The following EGFLAM variants were observed in gnomAD, a reference collection of about 807,000 sequenced individuals.
EGFLAM encodes pikachurin.
EGFLAM carries 79 observed loss-of-function variants against 113.1 expected under a neutral mutation model. The observed-to-expected ratio is 0.70, with a 90% CI of 0.58 to 0.84. The LOEUF (loss-of-function observed/expected upper bound fraction) is 0.84, where lower values mean the gene tolerates loss of function less well. Ranked by LOEUF, EGFLAM falls within the 40% of genes least tolerant of loss-of-function variation. The pLI, the probability that EGFLAM is intolerant of heterozygous loss-of-function variation, is 0.00. For missense variants in EGFLAM, 1,265 were observed against 1,291.6 expected, an observed-to-expected ratio of 0.98 and a Z score of 0.32; for synonymous variants, 504 against 487.6, an observed-to-expected ratio of 1.03 and a Z score of -0.44.
At chr5:38,445,430 A>G (rs1395977151) in intron 17 of EGFLAM, 1 of 1,334,266 alleles carries the variant, frequency 7.5e-7, no homozygotes, top group East Asian at 2.8e-5. Flanking sequence ...CGCCACGCCC[A>G]CCTTCAATAA....
chr5:38,267,825 A>T (rs1392392855), intron 1 of EGFLAM, among the ~76,000 whole-genome samples: 1 of 152,222 alleles, frequency 6.6e-6, no homozygotes, highest in Non-Finnish European at 1.5e-5. Flanking sequence ...CAGCAAATAT[A>T]CTTAGAATGA....
At chr5:38,361,294 C>T (rs751831375) in intron 5 of EGFLAM, among the ~76,000 whole-genome samples, 7 of 152,188 alleles carry the variant, frequency 4.6e-5, no homozygotes, top group Non-Finnish European at 7.3e-5. Flanking sequence ...TGCCTGACTA[C>T]GTTCCTCTAC....
intron 16 of EGFLAM, among the ~76,000 whole-genome samples, chr5:38,436,334 T>G (rs1331911503): frequency 6.6e-6 from 1 of 152,148 alleles, no homozygotes; most frequent in African/African-American, 2.4e-5. Flanking sequence ...AGGATCCTTT[T>G]TGGACCTGAG....
At chr5:38,355,308 C>T (rs906157201) in intron 5 of EGFLAM, among the ~76,000 whole-genome samples, 4 of 152,162 alleles carry the variant, frequency 2.6e-5, no homozygotes, top group African/African-American at 9.7e-5. Context: ...GTCCTTTCAA[C>T]ATTGCTCCTG....
rs2561129 is a variant in EGFLAM at position 38,322,060 on chromosome 5, A to T, written c.98-15460A>T. Among the ~76,000 whole-genome samples, 72 of 152,262 alleles carry T rather than the reference A, an allele frequency of 4.7e-4. 1 individual carries two copies. The highest frequency in any genetic ancestry group is 1.7e-3 in the African/African-American group (71 of 41,566). ...CAACTTCTATTTCTACTTGAAGAGA[A>T]CTGCCCCGCCGAGCCCTGGTCTGCC... On this transcript the variant is annotated intron_variant, in intron 1 of 21. Transcript: ENST00000322350.
intron 6 of EGFLAM, chr5:38,403,649 A>G (rs1266788588): frequency 3.3e-6 from 3 of 902,728 alleles, no homozygotes; most frequent in Non-Finnish European, 4.8e-6. Flanking sequence ...GCAGTGTGCT[A>G]TTTCATCGTG....
intron 1 of EGFLAM, among the ~76,000 whole-genome samples, chr5:38,334,441 G>A (rs1415686067): frequency 6.6e-6 from 1 of 152,108 alleles, no homozygotes; most frequent in Non-Finnish European, 1.5e-5. Context: ...ATAGCAGAAG[G>A]GGAGGGGGAG....
chr5:38,324,041 AAC>A (rs1354548477), intron 1 of EGFLAM, among the ~76,000 whole-genome samples: 15,307 of 124,010 alleles, frequency 0.12, 1,019 homozygotes, highest in African/African-American at 0.2. Context: ...CTCCATCTCA[AAC>A]AAAAAAAAAA....
chr5:38,363,203 T>G lies in EGFLAM; in HGVS notation c.546-7093T>G, dbSNP rs557266266. On this transcript the variant is annotated intron_variant, in intron 5 of 21. Coordinates refer to ENST00000322350, the MANE Select transcript of EGFLAM (RefSeq NM_152403.4). ...GAGCAAATCCTGCATAAAACCAGTA[T>G]GTAAAATTGACTGATTCGGAGGCTC... Among the ~76,000 whole-genome samples, 200 of 152,162 alleles carry G rather than the reference T, an allele frequency of 1.3e-3. 2 individuals carry two copies. The highest frequency in any genetic ancestry group is 1.4e-3 in the Non-Finnish European group (93 of 67,986).
rs1337572086 is a variant in EGFLAM at position 38,448,324 on chromosome 5, C to T, written c.2488C>T (p.Pro830Ser). Residue 830 changes from proline to serine, a missense_variant, in exon 18 of 22, where the codon CCG becomes TCG. By Grantham distance (74) the Pro-to-Ser change is moderately conservative (BLOSUM62 -1). Coordinates refer to ENST00000322350, the MANE Select transcript of EGFLAM (RefSeq NM_152403.4). ...QKAIIEAIEIPQFIGRSYLTY... is the reference protein window; with the variant it reads ...QKAIIEAIEISQFIGRSYLTY... Reference sequence around the variant, plus strand: ...AGCGATCATAGAAGCCATTGAGATCCCGCAGTTTATCGGCCGCAGTTACCT... The same window carrying T: ...AGCGATCATAGAAGCCATTGAGATCTCGCAGTTTATCGGCCGCAGTTACCT... 6.2e-7 allele frequency: 1 copy of T among 1,614,064 alleles called. No homozygotes were observed. The highest frequency in any genetic ancestry group is 2.2e-5 in the East Asian group (1 of 44,892).
At chr5:38,404,952 GCCAACTGAATGTTCC>G (rs1741234042) in intron 6 of EGFLAM, among the ~76,000 whole-genome samples, 1 of 152,156 alleles carries the variant, frequency 6.6e-6, no homozygotes, top group Non-Finnish European at 1.5e-5. Flanking sequence ...GAATAAAAAT[GCCAACTGAATGTTCC>G]CCAAAAGATG....
intron 1 of EGFLAM, among the ~76,000 whole-genome samples, chr5:38,333,476 T>A (rs1739101999): frequency 6.6e-6 from 1 of 152,240 alleles, no homozygotes; most frequent in Admixed American, 6.5e-5. Flanking sequence ...ATTTTTTGAC[T>A]TTTTAATAAT....
At chr5:38,306,485 A>G (rs1758719680) in intron 1 of EGFLAM, among the ~76,000 whole-genome samples, 2 of 152,160 alleles carry the variant, frequency 1.3e-5, no homozygotes, top group South Asian at 4.1e-4. Context: ...TGGCTATTAT[A>G]GTTCGATATC....
intron 10 of EGFLAM, among the ~76,000 whole-genome samples, 182 bp downstream of exon 10, chr5:38,409,286 T>C (rs962565755): frequency 1.3e-5 from 2 of 152,248 alleles, no homozygotes; most frequent in Non-Finnish European, 2.9e-5. Context: ...GGATAACCTA[T>C]AAAACTTGGG....
At chr5:38,444,019 C>T (rs947009542) in intron 17 of EGFLAM, among the ~76,000 whole-genome samples, 1 of 152,086 alleles carries the variant, frequency 6.6e-6, no homozygotes, top group Non-Finnish European at 1.5e-5. Flanking sequence ...GATCCACCCG[C>T]CTGGACCTCC....
chr5:38,299,385 A>G (rs1051765650), intron 1 of EGFLAM, among the ~76,000 whole-genome samples: 1 of 152,240 alleles, frequency 6.6e-6, no homozygotes, highest in African/African-American at 2.4e-5. Context: ...CTGTGGCAAG[A>G]CAGTGAGCCA....
intron 1 of EGFLAM, among the ~76,000 whole-genome samples, chr5:38,316,850 G>T (rs116786732): frequency 0.014 from 2,108 of 152,222 alleles, 48 homozygotes; most frequent in African/African-American, 0.045. Context: ...CAGTTTTCCT[G>T]TCACTTTTTT....
At chr5:38,331,040 A>G (rs1269026870) in intron 1 of EGFLAM, among the ~76,000 whole-genome samples, 1 of 152,164 alleles carries the variant, frequency 6.6e-6, no homozygotes, top group African/African-American at 2.4e-5. Flanking sequence ...AAAAATAGCC[A>G]AAAAAAGATG....
chr5:38,463,430 C>T (rs1185385887), intron 21 of EGFLAM, among the ~76,000 whole-genome samples: 1 of 152,160 alleles, frequency 6.6e-6, no homozygotes. Flanking sequence ...ATGATATTTT[C>T]TATTGAAAGC....
Sources: gnomAD v4.1 joint callset for allele counts (sites outside exome capture counted in the v4.1 genomes callset) on GRCh38, gnomAD v4.1.1 for gene constraint, MANE v1.5 for transcripts, NCBI Gene and HGNC (gene_info 2026-07-23, HGNC 2026-07-21) for gene names.